Variants in SEMA6D observed in about 807,000 individuals in gnomAD.
SEMA6D encodes semaphorin-6D.
In SEMA6D, 35 loss-of-function variants were observed where a neutral mutation model predicts 106.6. The observed-to-expected ratio is 0.33, with a 90% CI of 0.25 to 0.44. The LOEUF is 0.44. Ranked by LOEUF, SEMA6D falls within the 20% of genes least tolerant of loss-of-function variation. The probability of loss-of-function intolerance (pLI) is 1.00; values close to 1 mark genes in which losing one functional copy is unlikely to be tolerated. For missense variants in SEMA6D, 1,185 were observed against 1,345.9 expected, an observed-to-expected ratio of 0.88 and a Z score of 1.87; for synonymous variants, 499 against 487.7, an observed-to-expected ratio of 1.02 and a Z score of -0.31.
chr15:47,376,192 A>T (rs1277766981), intron 1 of SEMA6D, among the ~76,000 whole-genome samples: 1 of 152,234 alleles, frequency 6.6e-6, no homozygotes, highest in African/African-American at 2.4e-5. Flanking sequence ...AGGGTTGGGC[A>T]GTGCTTCCCT....
chr15:47,544,696 G>A (rs1015657548), intron 3 of SEMA6D, among the ~76,000 whole-genome samples: 1 of 150,916 alleles, frequency 6.6e-6, no homozygotes, highest in African/African-American at 2.4e-5. Flanking sequence ...TGGAAATAGA[G>A]AGAAAAAGAA....
At chr15:47,755,315 C>CT (rs1002515641) in intron 1 of SEMA6D, among the ~76,000 whole-genome samples, 1 of 152,048 alleles carries the variant, frequency 6.6e-6, no homozygotes, top group African/African-American at 2.4e-5. Context: ...ATGTTGTCAT[C>CT]TTTTTTTCTT....
intron 3 of SEMA6D, among the ~76,000 whole-genome samples, chr15:47,580,935 A>G (rs1487696004): frequency 1.3e-5 from 2 of 152,238 alleles, no homozygotes; most frequent in Admixed American, 6.5e-5. Flanking sequence ...ACTGAGTCAC[A>G]TAGGAATATA....
intron 1 of SEMA6D, among the ~76,000 whole-genome samples, chr15:47,729,816 G>A (rs772827228): frequency 2.6e-5 from 4 of 152,172 alleles, no homozygotes; most frequent in Non-Finnish European, 5.9e-5. Flanking sequence ...AGTTCAAAAT[G>A]TGTGCTCATT....
At chr15:47,727,835 T>G (rs2079857902) in intron 1 of SEMA6D, among the ~76,000 whole-genome samples, 1 of 152,224 alleles carries the variant, frequency 6.6e-6, no homozygotes, top group Admixed American at 6.5e-5. Flanking sequence ...TAATCAAACT[T>G]CATGCTTCAG....
intron 2 of SEMA6D, among the ~76,000 whole-genome samples, chr15:47,420,188 G>C (rs1187203790): frequency 6.6e-6 from 1 of 152,052 alleles, no homozygotes; most frequent in Non-Finnish European, 1.5e-5. Flanking sequence ...GGTTCCCTCT[G>C]AGTTCATCAT....
intron 3 of SEMA6D, among the ~76,000 whole-genome samples, chr15:47,586,021 C>T (rs1396212118): frequency 6.6e-6 from 1 of 152,184 alleles, no homozygotes; most frequent in Non-Finnish European, 1.5e-5. Context: ...ACTGTGGTTC[C>T]TTCAAATTCT....
chr15:47,285,021 G>A (rs2035298483), intron 1 of SEMA6D, among the ~76,000 whole-genome samples: 1 of 152,174 alleles, frequency 6.6e-6, no homozygotes, highest in Non-Finnish European at 1.5e-5. Flanking sequence ...GACTCCTAGT[G>A]TGATCCTTTG....
chr15:47,755,479 A>G (rs11855134), intron 1 of SEMA6D, among the ~76,000 whole-genome samples: 32,040 of 152,116 alleles, frequency 0.21, 4,083 homozygotes, highest in South Asian at 0.33. Flanking sequence ...TGGGCAATGT[A>G]TGTAAATAAT....
At chr15:47,208,403 T>C (rs1459855086) in intron 1 of SEMA6D, among the ~76,000 whole-genome samples, 1 of 152,142 alleles carries the variant, frequency 6.6e-6, no homozygotes, top group African/African-American at 2.4e-5. Context: ...AAATAAAGCA[T>C]TAAAAACCTG....
chr15:47,505,217 T>C (rs1271791584), intron 3 of SEMA6D, among the ~76,000 whole-genome samples: 1 of 152,154 alleles, frequency 6.6e-6, no homozygotes. Context: ...AGGCAGGATG[T>C]CAGGAGAAAT....
At chr15:47,399,293 C>G (rs1302979069) in intron 1 of SEMA6D, 1 of 152,172 alleles carries the variant, frequency 6.6e-6, no homozygotes, top group East Asian at 1.9e-4. Context: ...CACTGAGATT[C>G]CCATGACAGC....
chr15:47,632,530 G>C (rs1358443225), intron 4 of SEMA6D, among the ~76,000 whole-genome samples: 3 of 151,684 alleles, frequency 2.0e-5, no homozygotes, highest in East Asian at 3.9e-4. Context: ...ATCTCTCTTT[G>C]TCTCTAGTAA....
chr15:47,220,791 A>T (rs2031125062), intron 1 of SEMA6D, among the ~76,000 whole-genome samples: 2 of 148,594 alleles, frequency 1.3e-5, no homozygotes, highest in African/African-American at 4.8e-5. Context: ...TGATGCAGGT[A>T]AAATACACAT....
chr15:47,429,132 G>A (rs955041055), intron 2 of SEMA6D, among the ~76,000 whole-genome samples: 1 of 152,014 alleles, frequency 6.6e-6, no homozygotes, highest in Non-Finnish European at 1.5e-5. Context: ...AGAGGTGTGT[G>A]AGTTGCCTGC....
In SEMA6D at chr15:47,464,645, TC is replaced by T. The variant is rs1334977626; in HGVS notation, c.-158-5828del. ...TGGTGTGACTGATTTAGTCAAGCCC[TC>T]AAGGAGCTAAAATTTTATTGAATTA... is the stretch of plus-strand genomic sequence containing the variant. On this transcript the variant is annotated intron_variant, in intron 2 of 19. Transcript: ENST00000558014. Among the ~76,000 whole-genome samples the T allele has an allele frequency of 2.0e-5, 3 of 152,266 alleles. No individual in the cohort carries two copies. The East Asian group carries it at 5.8e-4, about 29-fold the overall frequency.
At chr15:47,319,492 G>T (rs2036838008) in intron 1 of SEMA6D, among the ~76,000 whole-genome samples, 1 of 151,952 alleles carries the variant, frequency 6.6e-6, no homozygotes, top group African/African-American at 2.4e-5. Context: ...TGAATACATT[G>T]GTCTCTAGAC....
intron 2 of SEMA6D, among the ~76,000 whole-genome samples, chr15:47,437,511 T>C (rs1425920586): frequency 1.3e-5 from 2 of 152,120 alleles, no homozygotes; most frequent in African/African-American, 2.4e-5. Context: ...TACATAATAT[T>C]AATCCTTTTC....
intron 4 of SEMA6D, among the ~76,000 whole-genome samples, chr15:47,662,139 G>T (rs1344901782): frequency 1.3e-5 from 2 of 152,124 alleles, no homozygotes; most frequent in Non-Finnish European, 2.9e-5. Context: ...GAGGGCAGTA[G>T]GTTGCAGTAG....
Sources: allele counts gnomAD v4.1 joint callset (sites outside exome capture counted in the v4.1 genomes callset), GRCh38; gene constraint gnomAD v4.1.1; transcripts MANE v1.5; gene names NCBI Gene and HGNC (gene_info 2026-07-23, HGNC 2026-07-21).